The following FAM120A variants were observed in gnomAD, a reference collection of about 807,000 sequenced individuals.
FAM120A encodes family with sequence similarity 120 member A, also known as constitutive coactivator of PPAR-gamma-like protein 1.
Under a neutral mutation model 109.7 loss-of-function variants are expected in FAM120A, and 15 were observed. That is an observed-to-expected ratio of 0.14 (90% CI 0.09 to 0.21). FAM120A has a LOEUF of 0.21. Ranked by LOEUF, FAM120A falls within the 10% of genes least tolerant of loss-of-function variation. FAM120A has a pLI of 1.00. For missense variants in FAM120A, 899 were observed against 1,439.3 expected (o/e 0.62, Z 6.07); for synonymous variants, 493 against 572.8 (o/e 0.86, Z 1.99).
chr9:93,524,829 A>G (rs888971095), intron 7 of FAM120A, among the ~76,000 whole-genome samples: 2 of 152,172 alleles, frequency 1.3e-5, no homozygotes, highest in African/African-American at 4.8e-5. Flanking sequence ...CTTCCTGCAC[A>G]GTGCCCGGGT....
chr9:93,478,601 C>T (rs1858651156), intron 3 of FAM120A, among the ~76,000 whole-genome samples: 1 of 152,036 alleles, frequency 6.6e-6, no homozygotes, highest in South Asian at 2.1e-4. Flanking sequence ...CTCAGCCTTC[C>T]AAGTAGCTGG....
intron 15 of FAM120A, among the ~76,000 whole-genome samples, chr9:93,559,130 C>T (rs1377975802): frequency 6.6e-6 from 1 of 152,202 alleles, no homozygotes; most frequent in East Asian, 1.9e-4. Context: ...AAGTCTGTCA[C>T]AGTTTGTTTC....
Position 93,451,693 on chromosome 9 carries a change from C to T in FAM120A, c.-223C>T. 1 of 985,084 alleles carries T rather than the reference C, an allele frequency of 1.0e-6. No individual in the cohort carries two copies. Among genetic ancestry groups the T allele is most frequent in the Non-Finnish European group, 1.2e-6 (1 of 831,638 alleles). 61.0% of individuals were successfully genotyped at this position (985,084 alleles called of 1,614,324 possible). A position where few individuals can be genotyped will look rare whatever the true frequency, so the allele number is the denominator to read the frequency against. On this transcript the variant is annotated 5_prime_UTR_variant, in exon 1 of 18. Transcript: ENST00000277165. ...TCAGCCTCGGCCTCGGCCTCGGCCTCGCAGCGGCGGCAGCGGCGGCGGCGG... is the reference window on the plus strand; with the variant it reads ...TCAGCCTCGGCCTCGGCCTCGGCCTTGCAGCGGCGGCAGCGGCGGCGGCGG...
intron 1 of FAM120A, among the ~76,000 whole-genome samples, chr9:93,464,621 C>T (rs1272427992): frequency 1.3e-5 from 2 of 152,208 alleles, no homozygotes; most frequent in African/African-American, 4.8e-5. Context: ...TAGAGTTTCA[C>T]TTCCTTGATC....
At chr9:93,543,526 T>C in intron 11 of FAM120A, 55 bp downstream of exon 11, 1 of 1,578,730 alleles carries the variant, frequency 6.3e-7, no homozygotes, top group South Asian at 1.1e-5. Context: ...GTAGGGGCCA[T>C]GACCATGGTG....
chr9:93,564,177 C>G, intron 17 of FAM120A, 52 bp from the exon 18 acceptor site: 1 of 1,560,074 alleles, frequency 6.4e-7, no homozygotes, highest in South Asian at 1.2e-5. Flanking sequence ...CATCCTCTCT[C>G]TTCTGTTTAT....
rs1486893790 is a variant in FAM120A at position 93,527,201 on chromosome 9, T to C, written c.1465T>C (p.Ser489Pro). Residue 489 changes from serine to proline, a missense_variant, in exon 8 of 18, where the codon TCA (serine) becomes CCA (proline). Ser to Pro is a moderately conservative substitution (Grantham distance 74). This residue lies in a region of FAM120A where 57 missense variants were observed against 52.9 expected (regional missense o/e 1.08). Transcript: ENST00000277165. The part of the protein sequence containing the change: ...KIGWEKTGSH[S>P]EPQARGDPGD... ...TGGCTGGGAGAAGACGGGAAGCCAC[T>C]CAGAGCCTCAGGCACGAGGAGACCC... 1 of 1,614,020 alleles carries C rather than the reference T, an allele frequency of 6.2e-7. No individual in the cohort carries two copies. Among genetic ancestry groups the C allele is most frequent in the East Asian group, 2.2e-5 (1 of 44,898 alleles).
intron 5 of FAM120A, among the ~76,000 whole-genome samples, chr9:93,507,956 G>A (rs992538315): frequency 2.6e-5 from 4 of 152,162 alleles, no homozygotes; most frequent in African/African-American, 7.2e-5. Flanking sequence ...GAAATGCAGG[G>A]GAGAATTGAA....
chr9:93,493,632 A>G (rs1330103768), intron 3 of FAM120A, among the ~76,000 whole-genome samples: 1 of 152,212 alleles, frequency 6.6e-6, no homozygotes, highest in Admixed American at 6.5e-5. Context: ...TGTTCTGCCA[A>G]GTCTCTGAGC....
chr9:93,497,589 A>C lies in FAM120A; in HGVS notation c.923A>C (p.Gln308Pro). The change falls in exon 4 of 18, where the codon CAG becomes CCG. Residue 308 changes from glutamine to proline, a missense_variant. Transcript: ENST00000277165. The part of the protein sequence containing the change: ...DLDAIAKDVF[Q>P]HSQSRTDDKV... The stretch of plus-strand genomic sequence containing the variant: ...GATGCCATAGCTAAAGATGTTTTCC[A>C]GCATTCACAGGTAAAAAAAAAAACA... 1 of 1,598,846 alleles carries C rather than the reference A, an allele frequency of 6.3e-7. No individual in the cohort carries two copies. Among genetic ancestry groups the C allele is most frequent in the Non-Finnish European group, 8.5e-7 (1 of 1,176,116 alleles).
At chr9:93,510,364 C>T (rs4743927) in intron 5 of FAM120A, among the ~76,000 whole-genome samples, 82,918 of 152,080 alleles carry the variant, frequency 0.55, 23,126 homozygotes, top group African/African-American at 0.64. Flanking sequence ...TATTGTCTGA[C>T]TTAAAAGACT....
chr9:93,459,032 C>T (rs988072017), intron 1 of FAM120A, among the ~76,000 whole-genome samples: 3 of 152,204 alleles, frequency 2.0e-5, no homozygotes, highest in African/African-American at 7.2e-5. Context: ...GTCATTCCCT[C>T]TTGTTTAACT....
In FAM120A at chr9:93,557,912, T is replaced by C. The variant is rs201606468; in HGVS notation, c.2570T>C (p.Phe857Ser). ...SFSRQSHTLPFPPPPALPFYP... is the reference protein window; with the variant it reads ...SFSRQSHTLPSPPPPALPFYP... Reference sequence around the variant, plus strand: ...TCCAGGCAGAGCCACACGCTCCCTTTCCCGCCGCCACCTGCCCTGCCCTTC... The same window carrying C: ...TCCAGGCAGAGCCACACGCTCCCTTCCCCGCCGCCACCTGCCCTGCCCTTC... Residue 857 changes from phenylalanine (F) to serine (S), a missense_variant, in exon 14 of 18, where the codon TTC (phenylalanine) becomes TCC (serine). This residue lies in a region of FAM120A where 129 missense variants were observed against 153.4 expected (regional missense o/e 0.84). Transcript: ENST00000277165. The C allele has an allele frequency of 1.4e-5, 23 of 1,611,170 alleles. No individual in the cohort carries two copies. Among genetic ancestry groups the C allele is most frequent in the Non-Finnish European group, 1.9e-5 (22 of 1,179,950 alleles).
At chr9:93,518,622 A>G (rs563428848) in intron 7 of FAM120A, among the ~76,000 whole-genome samples, 17 of 152,322 alleles carry the variant, frequency 1.1e-4, no homozygotes, top group African/African-American at 4.1e-4. Context: ...GGAGGAGAGT[A>G]TGTAAGCAGT....
intron 8 of FAM120A, 101 bp downstream of exon 8, chr9:93,527,343 A>C: frequency 1.1e-6 from 1 of 875,434 alleles, no homozygotes; most frequent in South Asian, 1.5e-5. Context: ...CTCTCTTTTA[A>C]TCGGGTCATG....
At position 93,452,784 on chromosome 9, in the gene FAM120A, T is replaced by C; in HGVS notation, c.474+395T>C. The C allele has an allele frequency of 6.3e-7, 1 of 1,593,540 alleles. No individual in the cohort carries two copies. The highest frequency in any genetic ancestry group is 1.1e-5 in the South Asian group (1 of 90,070). ...CTCCCTTTTCTAATTTAGCCTGTTC[T>C]TTCCCAGCAACAGGTTCATCTTGGA... On this transcript the variant is annotated intron_variant, in intron 1 of 17. Coordinates refer to ENST00000277165, the MANE Select transcript of FAM120A (RefSeq NM_014612.5). The surrounding 1 kb of genome is among the most constrained non-coding windows in gnomAD (Gnocchi z 7.0).
chr9:93,558,718 G>A lies in FAM120A; in HGVS notation c.2806G>A (p.Gly936Arg), dbSNP rs1322660617. 12 of 1,613,308 alleles carry A rather than the reference G, an allele frequency of 7.4e-6. No homozygotes were observed. The South Asian group carries it at 7.7e-5, about 10-fold the overall frequency. The change falls in exon 15 of 18, where the codon GGA becomes AGA. Residue 936 changes from glycine to arginine, a missense_variant and splice_region_variant. Gly to Arg is a moderately radical substitution (Grantham distance 125). This residue lies in a region of FAM120A where 129 missense variants were observed against 153.4 expected (regional missense o/e 0.84). Coordinates refer to ENST00000277165, the MANE Select transcript of FAM120A (RefSeq NM_014612.5). Reference sequence around the variant, plus strand: ...CAGCAGGACTAGCAAGTCCCAGGGCGGTAATTATACCCACCCCTTCCCAGA... The same window carrying A: ...CAGCAGGACTAGCAAGTCCCAGGGCAGTAATTATACCCACCCCTTCCCAGA... ...DSSRTSKSQG[G>R]VQPIPSQGGK...
At chr9:93,460,711 G>A (rs1257342651) in intron 1 of FAM120A, among the ~76,000 whole-genome samples, 5 of 152,298 alleles carry the variant, frequency 3.3e-5, no homozygotes, top group Non-Finnish European at 7.4e-5. Context: ...CTCTTAGAGC[G>A]ATGCTTGGTG....
intron 15 of FAM120A, among the ~76,000 whole-genome samples, chr9:93,560,071 A>G (rs1424923756): frequency 6.6e-6 from 1 of 152,204 alleles, no homozygotes; most frequent in East Asian, 1.9e-4. Context: ...AGGAGAGAGA[A>G]TTGCTTGAGG....
Sources: gnomAD v4.1 joint callset for allele counts (sites outside exome capture counted in the v4.1 genomes callset) on GRCh38, gnomAD v4.1.1 for gene constraint, gnomAD v4.1.1 regional missense constraint, Gnocchi (gnomAD v3.1) non-coding constraint, MANE v1.5 for transcripts, NCBI Gene and HGNC (gene_info 2026-07-23, HGNC 2026-07-21) for gene names.